The following THSD7B variants were observed in gnomAD, a reference collection of about 807,000 sequenced individuals.
THSD7B encodes thrombospondin type-1 domain-containing protein 7B.
In THSD7B, 138 loss-of-function variants were observed where a neutral mutation model predicts 213.6. The ratio of observed to expected loss-of-function variants is 0.65; its 90% CI spans 0.56 to 0.74. The LOEUF (loss-of-function observed/expected upper bound fraction) is 0.74, where lower values mean the gene tolerates loss of function less well. Among genes scored for constraint, THSD7B ranks in the 30% least tolerant of loss-of-function variants. The pLI is 0.00. For missense variants in THSD7B, 1,931 were observed against 1,991.5 expected, an observed-to-expected ratio of 0.97 and a Z score of 0.58; for synonymous variants, 742 against 687.0, an observed-to-expected ratio of 1.08 and a Z score of -1.25.
At chr2:137,268,975 A>G (rs765015445) in intron 10 of THSD7B, among the ~76,000 whole-genome samples, 3 of 152,204 alleles carry the variant, frequency 2.0e-5, no homozygotes, top group Non-Finnish European at 4.4e-5. Context: ...TCATAAGGAC[A>G]GGAAAATTCT....
In THSD7B at chr2:137,233,009, G is replaced by A. The variant is rs1186628171; in HGVS notation, c.2026G>A (p.Asp676Asn). 8 of 1,613,978 alleles carry A rather than the reference G, an allele frequency of 5.0e-6. No individual in the cohort carries two copies. Among genetic ancestry groups the A allele is most frequent in the Non-Finnish European group, 6.8e-6 (8 of 1,179,860 alleles). ...ETSPWGPCSE[D>N]TLVTALNATI... is the part of the protein sequence containing the mutation. ...ATCGCCTTGGGGCCCTTGTTCTGAG[G>A]ACACATTGGTAACTGCCCTTAATGC... is the stretch of plus-strand genomic sequence containing the variant. The change falls in exon 9 of 28, where the codon GAC becomes AAC. Residue 676 changes from aspartate to asparagine, a missense_variant. Physicochemically the swap from Asp to Asn is conservative, Grantham distance 23. Transcript: ENST00000409968.
intron 20 of THSD7B, among the ~76,000 whole-genome samples, chr2:137,635,594 A>G (rs980170143): frequency 6.6e-6 from 1 of 152,198 alleles, no homozygotes; most frequent in Admixed American, 6.5e-5. Flanking sequence ...AGCATGTTTT[A>G]TGTACTCATT....
At chr2:136,769,438 T>G (rs760929287) in intron 1 of THSD7B, among the ~76,000 whole-genome samples, 7 of 152,178 alleles carry the variant, frequency 4.6e-5, no homozygotes, top group Non-Finnish European at 1.0e-4. Flanking sequence ...ACCCAATTAC[T>G]CCGTATCTTT....
chr2:137,420,424 AGT>A (rs1229699419), intron 14 of THSD7B, among the ~76,000 whole-genome samples: 4 of 152,168 alleles, frequency 2.6e-5, no homozygotes, highest in African/African-American at 4.8e-5. Context: ...AACCACAGAC[AGT>A]CTTGCCCGGC....
At chr2:137,168,454 G>T (rs1007360176) in intron 6 of THSD7B, among the ~76,000 whole-genome samples, 1 of 152,110 alleles carries the variant, frequency 6.6e-6, no homozygotes, top group Non-Finnish European at 1.5e-5. Context: ...AGAATCCAGG[G>T]TTTTTGTTTT....
chr2:137,632,754 C>CCTAT (rs1682764979), intron 20 of THSD7B, among the ~76,000 whole-genome samples: 1 of 152,162 alleles, frequency 6.6e-6, no homozygotes, highest in South Asian at 2.1e-4. Flanking sequence ...CCATAAAATA[C>CCTAT]CTATCTAAGC....
At chr2:137,475,983 TTTTTCTC>T (rs1297292231) in intron 15 of THSD7B, among the ~76,000 whole-genome samples, 1 of 152,078 alleles carries the variant, frequency 6.6e-6, no homozygotes, top group African/African-American at 2.4e-5. Flanking sequence ...CATCTATTGT[TTTTTCTC>T]TTTTTAATAA....
At chr2:136,925,334 G>A (rs1273116607) in intron 2 of THSD7B, among the ~76,000 whole-genome samples, 1 of 152,100 alleles carries the variant, frequency 6.6e-6, no homozygotes, top group Non-Finnish European at 1.5e-5. Flanking sequence ...TTATTATGTT[G>A]AGGCATTTAC....
Position 137,563,065 on chromosome 2 carries a change from G to C in THSD7B, c.3139-156G>C. 3 of 708,046 alleles carry C rather than the reference G, an allele frequency of 4.2e-6. 1 individual carries two copies. The South Asian group carries it at 8.1e-5, about 19-fold the overall frequency. The allele number at this position is 708,046 out of a possible 1,614,324, so 43.9% of individuals were successfully genotyped here. A position where few individuals can be genotyped will look rare whatever the true frequency, so the allele number is the denominator to read the frequency against. ...TAGGCAAGTCAGTAAATTCAGAGAA[G>C]CCAAATCTATCTTGCTTTTTTGGGA... On this transcript the variant is annotated intron_variant, in intron 15 of 27. Transcript: ENST00000409968.
At chr2:136,840,330 G>C (rs979202815) in intron 1 of THSD7B, among the ~76,000 whole-genome samples, 3 of 152,152 alleles carry the variant, frequency 2.0e-5, no homozygotes, top group African/African-American at 7.2e-5. Flanking sequence ...AGTGAGCTGA[G>C]ATTGCGCCAT....
chr2:137,272,790 T>C, intron 11 of THSD7B, 128 bp downstream of exon 11: 5 of 1,001,124 alleles, frequency 5.0e-6, no homozygotes, highest in Non-Finnish European at 7.3e-6. Context: ...TATCTTCAAA[T>C]ACTTTAATAT....
rs1385860983 is a variant in THSD7B at position 137,056,623 on chromosome 2, G to A, written c.343G>A (p.Val115Met). The change falls in exon 3 of 28, where the codon GTG becomes ATG. Residue 115 changes from valine to methionine, a missense_variant. Val to Met is a conservative substitution (Grantham distance 21). Coordinates refer to ENST00000409968, the MANE Select transcript of THSD7B (RefSeq NM_001316349.2). ...GGAGGTTTCTGACTGGCACCACTGTGTGCTTGTTCCTTACGCTCGCGGTGA... is the reference window on the plus strand; with the variant it reads ...GGAGGTTTCTGACTGGCACCACTGTATGCTTGTTCCTTACGCTCGCGGTGA... ...QWEVSDWHHC[V>M]LVPYARGEVK... The A allele has an allele frequency of 6.2e-7, 1 of 1,614,000 alleles. No individual in the cohort carries two copies. The highest frequency in any genetic ancestry group is 1.1e-5 in the South Asian group (1 of 91,080).
chr2:136,829,772 T>C (rs1407434794), intron 1 of THSD7B, among the ~76,000 whole-genome samples: 1 of 152,164 alleles, frequency 6.6e-6, no homozygotes, highest in African/African-American at 2.4e-5. Flanking sequence ...AGGCATGGGT[T>C]ATATATTTGG....
intron 2 of THSD7B, among the ~76,000 whole-genome samples, chr2:136,892,600 C>A (rs1395087475): frequency 6.6e-6 from 1 of 151,420 alleles, no homozygotes; most frequent in East Asian, 1.9e-4. Context: ...GAATGATATA[C>A]CTCAAATTGC....
intron 5 of THSD7B, among the ~76,000 whole-genome samples, chr2:137,125,684 C>A (rs568257964): frequency 6.6e-6 from 1 of 152,096 alleles, no homozygotes; most frequent in Non-Finnish European, 1.5e-5. Context: ...GAATGGTGAA[C>A]GCATTTTCAA....
rs557466188 is a variant in THSD7B, at chr2:137,080,006, A to T, written c.951-14867A>T. On this transcript the variant is annotated intron_variant, in intron 3 of 27. Transcript: ENST00000409968. ...AGGCACGCACCACCACTCTCTGCTAATTTTTTTGTATTTTTAGTAGAGAAG... is the reference window on the plus strand; with the variant it reads ...AGGCACGCACCACCACTCTCTGCTATTTTTTTTGTATTTTTAGTAGAGAAG... 3.2e-4 allele frequency among the ~76,000 whole-genome samples: 49 copies of T among 151,818 alleles called. 1 individual carries two copies. The South Asian group carries it at 7.1e-3, about 22-fold the overall frequency.
At chr2:137,488,587 G>T (rs1688528309) in intron 15 of THSD7B, among the ~76,000 whole-genome samples, 1 of 152,176 alleles carries the variant, frequency 6.6e-6, no homozygotes, top group South Asian at 2.1e-4. Flanking sequence ...GAAAGATGGT[G>T]TTTTCACAAT....
chr2:137,598,030 G>C lies in THSD7B; in HGVS notation c.3424-18145G>C, dbSNP rs112573528. 7.2e-4 allele frequency among the ~76,000 whole-genome samples: 110 copies of C among 152,040 alleles called. 1 individual carries two copies. Among genetic ancestry groups the C allele is most frequent in the Middle Eastern group, 3.4e-3 (1 of 294 alleles). ...TCTCTTCCTATCTCCTACTTCTCTT[G>C]CTCCCTCACTCTATCTCATTCCTGT... On this transcript the variant is annotated intron_variant, in intron 17 of 27. Coordinates refer to ENST00000409968, the MANE Select transcript of THSD7B (RefSeq NM_001316349.2).
intron 10 of THSD7B, among the ~76,000 whole-genome samples, chr2:137,248,323 T>C (rs1216382623): frequency 1.3e-5 from 2 of 152,194 alleles, no homozygotes; most frequent in Admixed American, 6.5e-5. Context: ...GGACAGACTA[T>C]AAACTCAGAG....
Sources: gnomAD v4.1 joint callset for allele counts (sites outside exome capture counted in the v4.1 genomes callset) on GRCh38, gnomAD v4.1.1 for gene constraint, MANE v1.5 for transcripts, NCBI Gene and HGNC (gene_info 2026-07-23, HGNC 2026-07-21) for gene names.